The following RIOK3 variants were observed in gnomAD, a reference collection of about 807,000 sequenced individuals.
RIOK3 encodes the protein serine/threonine-protein kinase RIO3.
Under a neutral mutation model 63.5 loss-of-function variants are expected in RIOK3, and 40 were observed. That is an observed-to-expected ratio of 0.63 (90% confidence interval 0.49 to 0.82). The LOEUF is 0.82. RIOK3 is among the 40% of genes least tolerant of loss of function. The pLI, the probability that RIOK3 is intolerant of heterozygous loss-of-function variation, is 0.00. For synonymous variants in RIOK3, 193 were observed against 205.0 expected (o/e 0.94, Z 0.50); for missense variants, 557 against 637.0 (o/e 0.87, Z 1.35).
At chr18:23,471,057 G>A (rs1376988830) in intron 7 of RIOK3, among the ~76,000 whole-genome samples, 1 of 152,156 alleles carries the variant, frequency 6.6e-6, no homozygotes, top group African/African-American at 2.4e-5. Context: ...CAGGTACTAG[G>A]GATACAGCAA....
intron 6 of RIOK3, 73 bp downstream of exon 6, chr18:23,466,349 A>G: frequency 8.3e-7 from 1 of 1,198,232 alleles, no homozygotes. Flanking sequence ...GGTAAAGAAA[A>G]AAAAACTTCA....
At chr18:23,468,939 C>T (rs773497806) in intron 7 of RIOK3, among the ~76,000 whole-genome samples, 6 of 152,144 alleles carry the variant, frequency 3.9e-5, no homozygotes, top group Non-Finnish European at 8.8e-5. Flanking sequence ...CGTCCTCTTC[C>T]CTTGGCCACC....
intron 6 of RIOK3, among the ~76,000 whole-genome samples, chr18:23,466,642 A>T (rs2057409968): frequency 7.0e-6 from 1 of 142,326 alleles, no homozygotes; most frequent in African/African-American, 2.6e-5. Flanking sequence ...GTGAACCATG[A>T]TTGTGCCACT....
At position 23,473,546 on chromosome 18, in the gene RIOK3, G is replaced by T. The variant is rs1250085093; in HGVS notation, c.933G>T (p.Arg311Ser). ...NRDKYIKDDF[R>S]FKDRFSKLNP... ...ACAAATATATTAAAGATGATTTCAG[G>T]TTTAAAGATCGCTTCAGTAAACTAA... The change falls in exon 8 of 13, where the codon AGG (arginine) becomes AGT (serine). Residue 311 changes from arginine to serine, a missense_variant. By Grantham distance (110) the Arg-to-Ser change is moderately radical. Coordinates refer to ENST00000339486, the MANE Select transcript of RIOK3 (RefSeq NM_003831.5). 3.7e-6 allele frequency: 6 copies of T among 1,613,300 alleles called. No individual in the cohort carries two copies. The highest frequency in any genetic ancestry group is 1.3e-5 in the African/African-American group (1 of 74,872).
intron 9 of RIOK3, among the ~76,000 whole-genome samples, chr18:23,475,915 T>C (rs549654524): frequency 6.6e-6 from 1 of 151,732 alleles, no homozygotes; most frequent in African/African-American, 2.4e-5. Flanking sequence ...TTTGTGAGCT[T>C]TCATGAATGT....
chr18:23,475,160 C>G, intron 9 of RIOK3, 53 bp downstream of exon 9: 1 of 1,475,872 alleles, frequency 6.8e-7, no homozygotes. Flanking sequence ...AATATTTCCT[C>G]TAAACTTTAA....
chr18:23,456,460 G>A (rs914430554), intron 1 of RIOK3: 5 of 151,222 alleles, frequency 3.3e-5, no homozygotes, highest in Non-Finnish European at 7.4e-5. Flanking sequence ...AAATTTGGCT[G>A]GCTTTAAAAA....
chr18:23,474,887 A>C, intron 8 of RIOK3, 61 bp from the exon 9 acceptor site: 1 of 1,289,614 alleles, frequency 7.8e-7, no homozygotes, highest in Non-Finnish European at 1.1e-6. Flanking sequence ...TATTTATTGA[A>C]TAAATGACAT....
rs59552026 is a variant in RIOK3, at chr18:23,480,555, GCACACACACACACACACA to G, written c.1453-598_1453-581del. 2.3e-4 allele frequency among the ~76,000 whole-genome samples: 33 copies of G among 142,096 alleles called. No homozygotes were observed. In the East Asian group the frequency reaches 6.6e-3, roughly 28 times the overall value. 93.2% of individuals were successfully genotyped at this position (142,096 alleles called of 152,430 possible). A position where few individuals can be genotyped will look rare whatever the true frequency, so the allele number is the denominator to read the frequency against. Reference sequence around the variant, plus strand: ...ACTATTTGTGTATACTTGGATGCACGCACACACACACACACACACACACACACACACACACATAGTAAT... The same window carrying G: ...ACTATTTGTGTATACTTGGATGCACGCACACACACACACACACATAGTAAT... On this transcript the variant is annotated intron_variant, in intron 12 of 12. Coordinates refer to ENST00000339486, the MANE Select transcript of RIOK3 (RefSeq NM_003831.5).
Position 23,463,031 on chromosome 18 carries a change from C to G in RIOK3, c.131C>G (p.Ala44Gly), listed in dbSNP as rs1343810875. The change falls in exon 2 of 13, where the codon GCC becomes GGC. Residue 44 changes from alanine to glycine, a missense_variant. By Grantham distance (60) the Ala-to-Gly change is moderately conservative. Transcript: ENST00000339486. Reference sequence around the variant, plus strand: ...GCTGATGTAATGAGTGAACAGCTGGCCAAAGAATTGCAGTTAGAAGAAGAA... The same window carrying G: ...GCTGATGTAATGAGTGAACAGCTGGGCAAAGAATTGCAGTTAGAAGAAGAA... ...SLADVMSEQL[A>G]KELQLEEEAA... 1 of 1,608,548 alleles carries G rather than the reference C, an allele frequency of 6.2e-7. No individual in the cohort carries two copies. The highest frequency in any genetic ancestry group is 1.3e-5 in the African/African-American group (1 of 74,574).
chr18:23,463,924 C>CTTAA (rs1448293393), intron 2 of RIOK3, 43 bp from the exon 3 acceptor site: 2 of 1,537,904 alleles, frequency 1.3e-6, no homozygotes, highest in Non-Finnish European at 1.8e-6. Context: ...CCTCTGTTTA[C>CTTAA]TTAAGCACAT....
rs186782524 is a variant in RIOK3, at chr18:23,479,273, C to T, written c.1345-44C>T. Reference sequence around the variant, plus strand: ...TCCCTGTTTTTAGTTTATAAGAGAACATTGCTAATACTTCTTACTGACTTT... The same window carrying T: ...TCCCTGTTTTTAGTTTATAAGAGAATATTGCTAATACTTCTTACTGACTTT... On this transcript the variant is annotated intron_variant, in intron 11 of 12. Transcript: ENST00000339486. 11 of 1,251,364 alleles carry T rather than the reference C, an allele frequency of 8.8e-6. No homozygotes were observed. The East Asian group carries it at 2.6e-4, about 29-fold the overall frequency. 77.5% of individuals were successfully genotyped at this position (1,251,364 alleles called of 1,614,324 possible).
At position 23,481,262 on chromosome 18, in the gene RIOK3, C is replaced by A; in HGVS notation, c.1543C>A (p.Leu515Ile). 1 of 1,601,782 alleles carries A rather than the reference C, an allele frequency of 6.2e-7. No homozygotes were observed. Among genetic ancestry groups the A allele is most frequent in the Non-Finnish European group, 8.5e-7 (1 of 1,171,202 alleles). ...TTTGAAAGATGATGGAGACCCACCA[C>A]TACTATATGATGAATAGCACTAATA... ...SFLKDDGDPPLLYDE is the reference protein window; with the variant it reads ...SFLKDDGDPPILYDE Residue 515 changes from leucine to isoleucine, a missense_variant, in exon 13 of 13, where the codon CTA becomes ATA. Transcript: ENST00000339486.
chr18:23,475,151 A>G (rs1373257131), intron 9 of RIOK3, 44 bp downstream of exon 9: 4 of 1,504,064 alleles, frequency 2.7e-6, no homozygotes, highest in Admixed American at 2.1e-5. Context: ...CCTTTAAAAA[A>G]TATTTCCTCT....
intron 1 of RIOK3, among the ~76,000 whole-genome samples, chr18:23,455,826 C>T (rs1224544594): frequency 1.3e-5 from 2 of 151,402 alleles, no homozygotes; most frequent in Non-Finnish European, 2.9e-5. Flanking sequence ...TGAGACGGAG[C>T]CTCGCTCTGT....
At chr18:23,463,942 G>A (rs201943847) in intron 2 of RIOK3, 25 bp from the exon 3 acceptor site, 11 of 1,579,982 alleles carry the variant, frequency 7.0e-6, no homozygotes, top group Non-Finnish European at 8.6e-6. Flanking sequence ...CATTACATTA[G>A]TTTATATTGC....
At chr18:23,458,643 C>T (rs2057355718) in intron 1 of RIOK3, among the ~76,000 whole-genome samples, 1 of 152,120 alleles carries the variant, frequency 6.6e-6, no homozygotes, top group South Asian at 2.1e-4. Context: ...GGGCGTTTCC[C>T]CCATCTTGTT....
intron 1 of RIOK3, among the ~76,000 whole-genome samples, chr18:23,455,253 T>G (rs1318540368): frequency 6.6e-6 from 1 of 151,902 alleles, no homozygotes; most frequent in African/African-American, 2.4e-5. Flanking sequence ...CGTATTTTTT[T>G]TTGTAGAGAT....
At chr18:23,461,257 G>A (rs1039038313) in intron 1 of RIOK3, among the ~76,000 whole-genome samples, 5 of 152,192 alleles carry the variant, frequency 3.3e-5, no homozygotes, top group African/African-American at 1.2e-4. Flanking sequence ...GGCTAAAACA[G>A]ATAACATTTT....
Sources: allele counts gnomAD v4.1 joint callset (sites outside exome capture counted in the v4.1 genomes callset), GRCh38; gene constraint gnomAD v4.1.1; transcripts MANE v1.5; gene names NCBI Gene and HGNC (gene_info 2026-07-23, HGNC 2026-07-21).